The following TMEM26 variants were observed in gnomAD, a reference collection of about 807,000 sequenced individuals.
TMEM26 encodes the protein transmembrane protein 26.
In TMEM26, 38 loss-of-function variants were observed where a neutral mutation model predicts 28.8. That is an observed-to-expected ratio of 1.32 (90% CI 1.02 to 1.73). The LOEUF (loss-of-function observed/expected upper bound fraction) is 1.73. TMEM26 is among the 40% of genes most tolerant of loss of function. The probability of loss-of-function intolerance (pLI) is 0.00; values close to 1 mark genes in which losing one functional copy is unlikely to be tolerated. For missense variants in TMEM26, 518 were observed against 447.1 expected, an observed-to-expected ratio of 1.16 and a Z score of -1.43; for synonymous variants, 227 against 182.9, an observed-to-expected ratio of 1.24 and a Z score of -1.95.
At chr10:61,452,574 C>A (rs1381901555) in intron 1 of TMEM26, 4 of 309,570 alleles carry the variant, frequency 1.3e-5, no homozygotes, top group Non-Finnish European at 2.5e-5. Flanking sequence ...CCAAGACTCC[C>A]CTATTTGCGG....
At chr10:61,421,611 G>T (rs775947595) in intron 4 of TMEM26, among the ~76,000 whole-genome samples, 2 of 152,092 alleles carry the variant, frequency 1.3e-5, no homozygotes, top group Admixed American at 6.6e-5. Flanking sequence ...GCCATGTGAA[G>T]AAAGAGGGAG....
rs199546375 is a variant in TMEM26 at position 61,410,556 on chromosome 10, C to G, written c.873G>C (p.Ala291=). Reference sequence around the variant, plus strand: ...GCAACACCACCACGAGGAAGTTCTTCGCGGCAAAGAACACCAGCATCTGAT... The same window carrying G: ...GCAACACCACCACGAGGAAGTTCTTGGCGGCAAAGAACACCAGCATCTGAT... ...VINQMLVFFA[A]KNFLVVVLQL... Residue 291 remains alanine (A), a synonymous_variant, in exon 6 of 6, where the codon GCG becomes GCC. Coordinates refer to ENST00000399298, the MANE Select transcript of TMEM26 (RefSeq NM_178505.8). The G allele has an allele frequency of 6.2e-7, 1 of 1,613,986 alleles. No homozygotes were observed. The highest frequency in any genetic ancestry group is 2.2e-5 in the East Asian group (1 of 44,870).
chr10:61,413,975 A>AT, intron 4 of TMEM26: 1 of 986,956 alleles, frequency 1.0e-6, no homozygotes. Flanking sequence ...ATGATCAAAG[A>AT]TTAAAAACTC....
At chr10:61,428,879 G>A in intron 4 of TMEM26, 47 bp downstream of exon 4, 1 of 1,520,740 alleles carries the variant, frequency 6.6e-7, no homozygotes, top group Admixed American at 1.7e-5. Flanking sequence ...ACAGGTGCAT[G>A]GTCTTGACCC....
chr10:61,418,462 TATG>T (rs1374850424), intron 4 of TMEM26, among the ~76,000 whole-genome samples: 1 of 152,004 alleles, frequency 6.6e-6, no homozygotes, highest in Non-Finnish European at 1.5e-5. Context: ...AAACAGAATT[TATG>T]ATATCAAGTT....
chr10:61,415,199 G>C lies in TMEM26; in HGVS notation c.606-1664C>G, dbSNP rs1019896634. On this transcript the variant is annotated intron_variant, in intron 4 of 5. Transcript: ENST00000399298. ...TGGATAGAAGAAAGAGCATTTCACA[G>C]CAGCAGCCATAAAAAAGGGCTCAAA... is the stretch of plus-strand genomic sequence containing the variant. 14 of 975,524 alleles carry C rather than the reference G, an allele frequency of 1.4e-5. No homozygotes were observed. In the African/African-American group the frequency reaches 2.5e-4, roughly 17 times the overall value. The allele number at this position is 975,524 out of a possible 1,614,324, so 60.4% of individuals were successfully genotyped here.
At chr10:61,430,066 C>T (rs971723787) in intron 3 of TMEM26, among the ~76,000 whole-genome samples, 9 of 151,974 alleles carry the variant, frequency 5.9e-5, no homozygotes, top group Non-Finnish European at 1.3e-4. Flanking sequence ...CATCTGTACG[C>T]TTTCTTATAT....
chr10:61,412,868 G>A (rs1439293288), intron 5 of TMEM26: 2 of 1,158,490 alleles, frequency 1.7e-6, no homozygotes, highest in Non-Finnish European at 2.3e-6. Flanking sequence ...AAATGCCTGG[G>A]AAACAGATTA....
intron 1 of TMEM26, among the ~76,000 whole-genome samples, chr10:61,448,824 A>G (rs1840228411): frequency 6.6e-6 from 1 of 152,158 alleles, no homozygotes. Flanking sequence ...TGGGGAAGAA[A>G]ACTCAGTGCT....
intron 1 of TMEM26, among the ~76,000 whole-genome samples, chr10:61,446,969 T>G (rs1413588266): frequency 2.7e-5 from 4 of 149,868 alleles, no homozygotes; most frequent in Non-Finnish European, 5.9e-5. Flanking sequence ...CAACAAACTT[T>G]AAAAAAAAAT....
At chr10:61,444,272 C>T (rs942614101) in intron 1 of TMEM26, among the ~76,000 whole-genome samples, 2 of 152,088 alleles carry the variant, frequency 1.3e-5, no homozygotes, top group Non-Finnish European at 2.9e-5. Flanking sequence ...GCATCTGGTA[C>T]AATAAATGCT....
At position 61,410,679 on chromosome 10, in the gene TMEM26, G is replaced by A. The variant is rs1444697819; in HGVS notation, c.750C>T (p.Tyr250=). 1.9e-6 allele frequency: 3 copies of A among 1,614,154 alleles called. No individual in the cohort carries two copies. The highest frequency in any genetic ancestry group is 2.5e-6 in the Non-Finnish European group (3 of 1,180,022). Residue 250 remains tyrosine (Y), a synonymous_variant, in exon 6 of 6, where the codon TAC becomes TAT. Transcript: ENST00000399298. The part of the protein sequence containing the change: ...RGFPSLFFCQ[Y]SADLWNIGIS... ...TTCCGATGTTCCACAGATCGGCACT[G>A]TACTGGCAAAAGAACAGGCTGGGGA...
chr10:61,427,610 A>C (rs1190137319), intron 4 of TMEM26, among the ~76,000 whole-genome samples: 2 of 152,138 alleles, frequency 1.3e-5, no homozygotes, highest in African/African-American at 4.8e-5. Flanking sequence ...CTAACAGTCC[A>C]TTAAGATAAA....
In TMEM26 at chr10:61,430,723, C is replaced by T. The variant is rs75390651; in HGVS notation, c.384+496G>A. Among the ~76,000 whole-genome samples the T allele has an allele frequency of 2.0e-5, 3 of 152,090 alleles. No individual in the cohort carries two copies. The South Asian group carries it at 6.2e-4, about 32-fold the overall frequency. On this transcript the variant is annotated intron_variant, in intron 3 of 5. Transcript: ENST00000399298. ...AACAAAACGCCACTTTTATTGGCAT[C>T]CCCAAAAATGCCACGTAGGTTTATC...
chr10:61,429,062 T>C lies in TMEM26; in HGVS notation c.469A>G (p.Ile157Val), dbSNP rs1206460172. 6.2e-7 allele frequency: 1 copy of C among 1,613,260 alleles called. No individual in the cohort carries two copies. Among genetic ancestry groups the C allele is most frequent in the African/African-American group, 1.3e-5 (1 of 74,866 alleles). The change falls in exon 4 of 6, where the codon ATA becomes GTA. Residue 157 changes from isoleucine to valine, a missense_variant. Physicochemically the swap from Ile to Val is conservative, Grantham distance 29. Transcript: ENST00000399298. Reference sequence around the variant, plus strand: ...ATGGGTAGAAGCCATCTTCCAATTATTAGCATTAACAGGAATGTCTGATGG... The same window carrying C: ...ATGGGTAGAAGCCATCTTCCAATTACTAGCATTAACAGGAATGTCTGATGG... ...GLHQTFLLMLIIGRWLLPIGG... is the reference protein window; with the variant it reads ...GLHQTFLLMLVIGRWLLPIGG...
At chr10:61,432,674 T>C (rs1014379969) in intron 2 of TMEM26, among the ~76,000 whole-genome samples, 3 of 152,148 alleles carry the variant, frequency 2.0e-5, no homozygotes, top group South Asian at 4.1e-4. Context: ...ATTAAAGCTG[T>C]AAGAAGTGTA....
chr10:61,410,088 G>A lies in TMEM26; in HGVS notation c.*234C>T, dbSNP rs547986641. ...TTCAAGACAAACAAATCACTTAGTCGTTGAACAACTATAACATCTGATACC... is the reference window on the plus strand; with the variant it reads ...TTCAAGACAAACAAATCACTTAGTCATTGAACAACTATAACATCTGATACC... On this transcript the variant is annotated 3_prime_UTR_variant, in exon 6 of 6. Transcript: ENST00000399298. 9 of 544,250 alleles carry A rather than the reference G, an allele frequency of 1.7e-5. 1 individual carries two copies. The highest frequency in any genetic ancestry group is 1.4e-4 in the Admixed American group (4 of 29,582). The allele number at this position is 544,250 out of a possible 1,614,324, so 33.7% of individuals were successfully genotyped here. A position where few individuals can be genotyped will look rare whatever the true frequency, so the allele number is the denominator to read the frequency against.
intron 4 of TMEM26, among the ~76,000 whole-genome samples, chr10:61,421,493 C>T (rs572839810): frequency 1.3e-5 from 2 of 152,104 alleles, no homozygotes; most frequent in Non-Finnish European, 2.9e-5. Flanking sequence ...GTAGATGTAA[C>T]CAAGTTAAGA....
chr10:61,424,276 G>A (rs983169720), intron 4 of TMEM26, among the ~76,000 whole-genome samples: 5 of 151,872 alleles, frequency 3.3e-5, no homozygotes, highest in African/African-American at 1.2e-4. Context: ...TAAAAAATGT[G>A]AAAATAAAAT....
Sources: gnomAD v4.1 joint callset for allele counts (sites outside exome capture counted in the v4.1 genomes callset) on GRCh38, gnomAD v4.1.1 for gene constraint, MANE v1.5 for transcripts, NCBI Gene and HGNC (gene_info 2026-07-23, HGNC 2026-07-21) for gene names.